Variants in SP5 observed in about 807,000 individuals in gnomAD.
The protein encoded by SP5 is transcription factor Sp5.
SP5 carries 12 observed loss-of-function variants against 27.4 expected under a neutral mutation model. The observed-to-expected ratio is 0.44, with a 90% CI of 0.28 to 0.71. SP5 has a LOEUF of 0.71. SP5 is among the 30% of genes least tolerant of loss of function. The probability of loss-of-function intolerance (pLI) is 0.15; values close to 1 mark genes in which losing one functional copy is unlikely to be tolerated. For missense variants in SP5, 660 were observed against 589.8 expected, an observed-to-expected ratio of 1.12 and a Z score of -1.23; for synonymous variants, 330 against 290.7, an observed-to-expected ratio of 1.14 and a Z score of -1.38.
In SP5 at chr2:170,717,001, C is replaced by A. The variant is rs1034805545; in HGVS notation, c.794C>A (p.Ala265Glu). The change falls in exon 2 of 2, where the codon GCG becomes GAG. Residue 265 changes from alanine (A) to glutamate (E), a missense_variant. Physicochemically the swap from Ala to Glu is moderately radical, Grantham distance 107 (BLOSUM62 -1). Transcript: ENST00000375281. The stretch of plus-strand genomic sequence containing the variant: ...CTGCTGCAGACCAAGGCCCCCCTGG[C>A]GGCCACGGCCAGGAGGTGCCGCCGC... ...AALLQTKAPL[A>E]ATARRCRRCR... 3.2e-6 allele frequency: 5 copies of A among 1,547,570 alleles called. No individual in the cohort carries two copies. Among genetic ancestry groups the A allele is most frequent in the South Asian group, 1.2e-5 (1 of 83,950 alleles).
chr2:170,715,796 G>A (rs1700051025), intron 1 of SP5: 1 of 985,426 alleles, frequency 1.0e-6, no homozygotes, highest in Non-Finnish European at 1.2e-6. Flanking sequence ...AACAGGACCG[G>A]AGCTCACCCT....
In SP5 at chr2:170,716,853, G is replaced by GC; in HGVS notation, c.652dup (p.His218ProfsTer164). On this transcript the variant is annotated frameshift_variant, in exon 2 of 2. Coordinates refer to ENST00000375281, the MANE Select transcript of SP5 (RefSeq NM_001003845.3). LOFTEE classifies it high-confidence loss of function. ...CGGCCTCTCCGGCGCCTGTGCCGGG[G>GC]CCCCCCACGCGCCCCGCTTCCCCGC... The GC allele has an allele frequency of 1.4e-6, 2 of 1,445,314 alleles. No homozygotes were observed. Among genetic ancestry groups the GC allele is most frequent in the Non-Finnish European group, 1.8e-6 (2 of 1,103,438 alleles). The allele number at this position is 1,445,314 out of a possible 1,614,324, so 89.5% of individuals were successfully genotyped here. A position where few individuals can be genotyped will look rare whatever the true frequency, so the allele number is the denominator to read the frequency against.
Position 170,716,733 on chromosome 2 carries a change from CG to C in SP5, c.527del (p.Arg176ProfsTer138). ...GCCACCGCCCCCGCCGCCCACCTGCCGCCAGTTGTCACCCAACCCGGCCCCC... is the reference window on the plus strand; with the variant it reads ...GCCACCGCCCCCGCCGCCCACCTGCCCCAGTTGTCACCCAACCCGGCCCCC... ...PPPPPPPPTC[R>X]QLSPNPAPDD... On this transcript the variant is annotated frameshift_variant, in exon 2 of 2. Transcript: ENST00000375281. LOFTEE classifies it high-confidence loss of function. 1 of 1,486,962 alleles carries C rather than the reference CG, an allele frequency of 6.7e-7. No individual in the cohort carries two copies. The highest frequency in any genetic ancestry group is 8.9e-7 in the Non-Finnish European group (1 of 1,126,134). 92.1% of individuals were successfully genotyped at this position (1,486,962 alleles called of 1,614,324 possible).
rs762514770 is a variant in SP5 at position 170,715,534 on chromosome 2, C to A, written c.22C>A (p.Arg8=). MAAVAVL[R]NDSLQAFLQD... ...AGCCATGGCCGCGGTGGCCGTCCTC[C>A]GGAACGACTCGCTGCAGGCCTTTCT... The change falls in exon 1 of 2, where the codon CGG becomes AGG. Residue 8 remains arginine, a synonymous_variant. Coordinates refer to ENST00000375281, the MANE Select transcript of SP5 (RefSeq NM_001003845.3). 2.6e-6 allele frequency: 4 copies of A among 1,558,566 alleles called. No homozygotes were observed. In the East Asian group the frequency reaches 9.5e-5, roughly 37 times the overall value.
chr2:170,716,649 C>A lies in SP5; in HGVS notation c.442C>A (p.Pro148Thr). 3 of 1,604,494 alleles carry A rather than the reference C, an allele frequency of 1.9e-6. No individual in the cohort carries two copies. Among genetic ancestry groups the A allele is most frequent in the Non-Finnish European group, 2.5e-6 (3 of 1,177,178 alleles). ...CGCCAGCTGCGCGCCCGCCTACGTGCCCTACGCGGCGCAGGCCGCGCTGCC... is the reference window on the plus strand; with the variant it reads ...CGCCAGCTGCGCGCCCGCCTACGTGACCTACGCGGCGCAGGCCGCGCTGCC... The part of the protein sequence containing the change: ...LPASCAPAYV[P>T]YAAQAALPPG... Residue 148 changes from proline to threonine, a missense_variant, in exon 2 of 2, where the codon CCC becomes ACC. Physicochemically the swap from Pro to Thr is conservative, Grantham distance 38. Coordinates refer to ENST00000375281, the MANE Select transcript of SP5 (RefSeq NM_001003845.3).
chr2:170,716,665 C>T lies in SP5; in HGVS notation c.458C>T (p.Ala153Val), dbSNP rs1354021097. The T allele has an allele frequency of 6.3e-7, 1 of 1,598,132 alleles. No individual in the cohort carries two copies. Among genetic ancestry groups the T allele is most frequent in the East Asian group, 2.3e-5 (1 of 43,998 alleles). ...GCCTACGTGCCCTACGCGGCGCAGG[C>T]CGCGCTGCCGCCAGGCTACTCCAAC... ...APAYVPYAAQ[A>V]ALPPGYSNLL... Residue 153 changes from alanine to valine, a missense_variant, in exon 2 of 2, where the codon GCC becomes GTC. Physicochemically the swap from Ala to Val is moderately conservative, Grantham distance 64. Transcript: ENST00000375281.
rs143436539 is a variant in SP5 at position 170,717,527 on chromosome 2, C to T, written c.*123C>T. On this transcript the variant is annotated 3_prime_UTR_variant, in exon 2 of 2. Coordinates refer to ENST00000375281, the MANE Select transcript of SP5 (RefSeq NM_001003845.3). ...CCGTTGCCTGCCTCCCAAAATGGAG[C>T]CAGGCTTCCAACTTCCGCTGCCTTC... 3,449 of 1,306,586 alleles carry T rather than the reference C, an allele frequency of 2.6e-3. 72 individuals are homozygous for T. In the African/African-American group the frequency reaches 0.039, roughly 15 times the overall value. 80.9% of individuals were successfully genotyped at this position (1,306,586 alleles called of 1,614,324 possible).
intron 1 of SP5, chr2:170,715,894 G>A: frequency 8.3e-6 from 11 of 1,333,254 alleles, no homozygotes; most frequent in Non-Finnish European, 1.0e-5. Context: ...AGATGGGAGG[G>A]AGAGCGGCCG....
rs1039019889 is a variant in SP5, at chr2:170,716,117, G to C, written c.52-142G>C. 764 of 1,409,424 alleles carry C rather than the reference G, an allele frequency of 5.4e-4. 1 individual carries two copies. Among genetic ancestry groups the C allele is most frequent in the Non-Finnish European group, 6.5e-4 (708 of 1,089,168 alleles). The allele number at this position is 1,409,424 out of a possible 1,614,324, so 87.3% of individuals were successfully genotyped here. On this transcript the variant is annotated intron_variant, in intron 1 of 1. Coordinates refer to ENST00000375281, the MANE Select transcript of SP5 (RefSeq NM_001003845.3). ...CCTCGGCCGGTGGGTGCGTGCGTGG[G>C]GTGCGGTGGCGGGGGAGGGACGGCC...
intron 1 of SP5, chr2:170,715,867 G>A (rs1223054485): frequency 3.0e-6 from 3 of 985,334 alleles, no homozygotes; most frequent in African/African-American, 1.7e-5. Context: ...AAGGCAGTGA[G>A]GACAAGAGAG....
chr2:170,717,928 G>C lies in SP5; in HGVS notation c.*524G>C, dbSNP rs1700103685. 1 of 153,270 alleles carries C rather than the reference G, an allele frequency of 6.5e-6. No individual in the cohort carries two copies. The highest frequency in any genetic ancestry group is 2.4e-5 in the African/African-American group (1 of 41,442). 9.5% of individuals were successfully genotyped at this position (153,270 alleles called of 1,614,324 possible). Reference sequence around the variant, plus strand: ...ATGATATGTCTCTGTAAAGTGATCAGCAGTTGCAGCGTGAAAATAAATACT... The same window carrying C: ...ATGATATGTCTCTGTAAAGTGATCACCAGTTGCAGCGTGAAAATAAATACT... On this transcript the variant is annotated 3_prime_UTR_variant, in exon 2 of 2. Transcript: ENST00000375281.
chr2:170,717,233 G>T lies in SP5; in HGVS notation c.1026G>T (p.Glu342Asp). 6.2e-7 allele frequency: 1 copy of T among 1,609,388 alleles called. No homozygotes were observed. Residue 342 changes from glutamate to aspartate, a missense_variant, in exon 2 of 2, where the codon GAG becomes GAT. Physicochemically the swap from Glu to Asp is conservative, Grantham distance 45. Coordinates refer to ENST00000375281, the MANE Select transcript of SP5 (RefSeq NM_001003845.3). ...FCGKSFTRSD[E>D]LQRHLRTHTG... The stretch of plus-strand genomic sequence containing the variant: ...GGAAGAGCTTCACGCGCTCGGACGA[G>T]CTGCAGCGGCACCTGCGGACTCACA...
At chr2:170,715,846 G>C (rs2105585308) in intron 1 of SP5, 2 of 985,446 alleles carry the variant, frequency 2.0e-6, no homozygotes, top group East Asian at 1.1e-4. Flanking sequence ...GGCGGGCCAG[G>C]GAGGAGCGCG....
Position 170,716,777 on chromosome 2 carries a change from G to A in SP5, c.570G>A (p.Trp190Ter). Residue 190 changes from tryptophan to a stop codon, truncating the protein, a stop_gained, in exon 2 of 2, where the codon TGG becomes TGA. Coordinates refer to ENST00000375281, the MANE Select transcript of SP5 (RefSeq NM_001003845.3). LOFTEE classifies it high-confidence loss of function. ...PNPAPDDLPW[W>*]SIPQAGAGPG... ...CGGCCCCCGACGACCTCCCGTGGTG[G>A]AGCATCCCGCAGGCGGGCGCCGGGC... 7.0e-7 allele frequency: 1 copy of A among 1,435,606 alleles called. No homozygotes were observed. Among genetic ancestry groups the A allele is most frequent in the Non-Finnish European group, 9.1e-7 (1 of 1,099,316 alleles). 88.9% of individuals were successfully genotyped at this position (1,435,606 alleles called of 1,614,324 possible). A position where few individuals can be genotyped will look rare whatever the true frequency, so the allele number is the denominator to read the frequency against.
rs767153489 is a variant in SP5 at position 170,716,250 on chromosome 2, C to T, written c.52-9C>T. 4 of 1,582,064 alleles carry T rather than the reference C, an allele frequency of 2.5e-6. No individual in the cohort carries two copies. Among genetic ancestry groups the T allele is most frequent in the African/African-American group, 1.4e-5 (1 of 73,524 alleles). ...GTCTCTTCTCCGCCCTCCCTCGCCG[C>T]CTATGCAGGACCGCACCCCCAGCGC... On this transcript the variant is annotated splice_polypyrimidine_tract_variant and intron_variant, in intron 1 of 1. Coordinates refer to ENST00000375281, the MANE Select transcript of SP5 (RefSeq NM_001003845.3).
rs575037078 is a variant in SP5 at position 170,717,559 on chromosome 2, A to G, written c.*155A>G. On this transcript the variant is annotated 3_prime_UTR_variant, in exon 2 of 2. Coordinates refer to ENST00000375281, the MANE Select transcript of SP5 (RefSeq NM_001003845.3). Reference sequence around the variant, plus strand: ...TCCAACTTCCGCTGCCTTCGGACATAGGGACCCAGTTCCCAGGAGCGGGGA... The same window carrying G: ...TCCAACTTCCGCTGCCTTCGGACATGGGGACCCAGTTCCCAGGAGCGGGGA... The G allele has an allele frequency of 2.2e-4, 224 of 1,020,304 alleles. 1 individual carries two copies. In the South Asian group the frequency reaches 3.4e-3, roughly 15 times the overall value. The allele number at this position is 1,020,304 out of a possible 1,614,324, so 63.2% of individuals were successfully genotyped here.
rs1206349455 is a variant in SP5, at chr2:170,716,672, G to A, written c.465G>A (p.Leu155=). The change falls in exon 2 of 2, where the codon CTG becomes CTA. Residue 155 remains leucine, a synonymous_variant. Transcript: ENST00000375281. ...TGCCCTACGCGGCGCAGGCCGCGCTGCCGCCAGGCTACTCCAACCTGCTGC... is the reference window on the plus strand; with the variant it reads ...TGCCCTACGCGGCGCAGGCCGCGCTACCGCCAGGCTACTCCAACCTGCTGC... ...AYVPYAAQAA[L]PPGYSNLLPP... is the part of the protein sequence containing the mutation. 4 of 1,594,794 alleles carry A rather than the reference G, an allele frequency of 2.5e-6. No individual in the cohort carries two copies. In the East Asian group the frequency reaches 9.1e-5, roughly 36 times the overall value.
Position 170,716,615 on chromosome 2 carries a change from G to A in SP5, c.408G>A (p.Ala136=), listed in dbSNP as rs770907320. 4.4e-6 allele frequency: 7 copies of A among 1,608,164 alleles called. No homozygotes were observed. Among genetic ancestry groups the A allele is most frequent in the Admixed American group, 1.7e-5 (1 of 59,840 alleles). The change falls in exon 2 of 2, where the codon GCG becomes GCA. Residue 136 remains alanine (A), a synonymous_variant. Coordinates refer to ENST00000375281, the MANE Select transcript of SP5 (RefSeq NM_001003845.3). Reference sequence around the variant, plus strand: ...TCAAGATGCTGCCCTCGAGCATGGCGGCTCTGCCCGCCAGCTGCGCGCCCG... The same window carrying A: ...TCAAGATGCTGCCCTCGAGCATGGCAGCTCTGCCCGCCAGCTGCGCGCCCG... ...SPVKMLPSSM[A]ALPASCAPAY...
chr2:170,717,421 AC>A lies in SP5; in HGVS notation c.*22del. On this transcript the variant is annotated 3_prime_UTR_variant, in exon 2 of 2. Transcript: ENST00000375281. ...GACCTGTGAGCCCTCCCGGAGGTGGACCCCCTTCCCAGCACCTCTGCGAGAG... is the reference window on the plus strand; with the variant it reads ...GACCTGTGAGCCCTCCCGGAGGTGGACCCCTTCCCAGCACCTCTGCGAGAG... 6.2e-7 allele frequency: 1 copy of A among 1,607,902 alleles called. No homozygotes were observed.
Sources: allele counts gnomAD v4.1 joint callset, GRCh38; gene constraint gnomAD v4.1.1; transcripts MANE v1.5; gene names NCBI Gene and HGNC (gene_info 2026-07-23, HGNC 2026-07-21).